Variants in PTPRM observed in about 807,000 individuals in gnomAD.
The protein encoded by PTPRM is protein tyrosine phosphatase receptor type M, also known as receptor-type tyrosine-protein phosphatase mu.
Under a neutral mutation model 186.7 loss-of-function variants are expected in PTPRM, and 47 were observed. That is an observed-to-expected ratio of 0.25 (90% CI 0.20 to 0.32). PTPRM has a LOEUF of 0.32. Ranked by LOEUF, PTPRM falls within the 10% of genes least tolerant of loss-of-function variation. The pLI, the probability that PTPRM is intolerant of heterozygous loss-of-function variation, is 1.00. For synonymous variants in PTPRM, 668 were observed against 674.9 expected, an observed-to-expected ratio of 0.99 and a Z score of 0.16; for missense variants, 1,494 against 1,865.0, an observed-to-expected ratio of 0.80 and a Z score of 3.66.
chr18:7,631,206 C>T (rs2038183070), intron 1 of PTPRM, among the ~76,000 whole-genome samples: 1 of 152,158 alleles, frequency 6.6e-6, no homozygotes, highest in African/African-American at 2.4e-5. Flanking sequence ...CCAAATCACT[C>T]AGTATCTTTA....
intron 7 of PTPRM, among the ~76,000 whole-genome samples, chr18:8,065,674 G>T (rs2089010571): frequency 6.6e-6 from 1 of 152,136 alleles, no homozygotes; most frequent in Admixed American, 6.6e-5. Flanking sequence ...ATTCTCAGTA[G>T]CATCCTCAGG....
chr18:8,398,274 G>A (rs985928695), intron 32 of PTPRM, among the ~76,000 whole-genome samples: 2 of 152,094 alleles, frequency 1.3e-5, no homozygotes, highest in Non-Finnish European at 2.9e-5. Context: ...ATGAGCCACA[G>A]TGCCTGGCCT....
At chr18:8,028,199 G>A (rs1468614195) in intron 7 of PTPRM, among the ~76,000 whole-genome samples, 1 of 152,084 alleles carries the variant, frequency 6.6e-6, no homozygotes, top group African/African-American at 2.4e-5. Context: ...ATGGGGTTTC[G>A]CCATGTTGGC....
At chr18:8,240,473 G>C (rs2094403410) in intron 14 of PTPRM, among the ~76,000 whole-genome samples, 1 of 65,836 alleles carries the variant, frequency 1.5e-5, no homozygotes, top group Non-Finnish European at 3.1e-5. Flanking sequence ...GAGGGAGGGA[G>C]GGAGGGGAGG....
intron 1 of PTPRM, among the ~76,000 whole-genome samples, chr18:7,771,512 A>G (rs1006121184): frequency 2.0e-5 from 3 of 152,244 alleles, no homozygotes; most frequent in Admixed American, 1.3e-4. Context: ...TAAGAGGGCA[A>G]TATAAATGAC....
intron 20 of PTPRM, among the ~76,000 whole-genome samples, chr18:8,301,009 C>A (rs1486752082): frequency 6.6e-6 from 1 of 152,118 alleles, no homozygotes; most frequent in African/African-American, 2.4e-5. Context: ...CCATCCCCTG[C>A]CTAAAAATTA....
chr18:7,897,859 T>G (rs1477724824), intron 3 of PTPRM, among the ~76,000 whole-genome samples: 1 of 152,150 alleles, frequency 6.6e-6, no homozygotes, highest in Non-Finnish European at 1.5e-5. Context: ...ATATCATACT[T>G]TTCTCTAAAG....
chr18:7,945,524 C>T (rs982971054), intron 5 of PTPRM, among the ~76,000 whole-genome samples: 46 of 151,904 alleles, frequency 3.0e-4, no homozygotes, highest in African/African-American at 1.1e-3. Flanking sequence ...CCAGATGAGG[C>T]CATTTGACCT....
chr18:8,157,841 A>G (rs1026611386), intron 14 of PTPRM, among the ~76,000 whole-genome samples: 23 of 152,224 alleles, frequency 1.5e-4, no homozygotes, highest in Non-Finnish European at 2.5e-4. Context: ...TTCCAGACCC[A>G]GACGCAGCAA....
chr18:8,076,124 G>T (rs2089795745), intron 8 of PTPRM, among the ~76,000 whole-genome samples: 2 of 152,194 alleles, frequency 1.3e-5, no homozygotes, highest in South Asian at 4.1e-4. Context: ...GGCTCTACCA[G>T]TTTACACTTC....
rs2095836412 is a variant in PTPRM, at chr18:8,394,555, G to A, written c.4288G>A (p.Val1430Ile). ...EMLRHQRTVD[V>I]FHAVKTLRNN... The stretch of plus-strand genomic sequence containing the variant: ...GCTCCGGCACCAGAGAACCGTGGAT[G>A]TCTTTCACGCTGTGAAGACACTGAG... Residue 1430 changes from valine to isoleucine, a missense_variant, in exon 32 of 33, where the codon GTC (valine) becomes ATC (isoleucine). By Grantham distance (29) the Val-to-Ile change is conservative (BLOSUM62 3). This residue lies in a region of PTPRM where 1,107 missense variants were observed against 1,350.2 expected (regional missense o/e 0.82). Coordinates refer to ENST00000580170, the MANE Select transcript of PTPRM (RefSeq NM_001105244.2). 1.2e-6 allele frequency: 2 copies of A among 1,613,870 alleles called. No homozygotes were observed. Among genetic ancestry groups the A allele is most frequent in the Non-Finnish European group, 1.7e-6 (2 of 1,179,930 alleles).
intron 1 of PTPRM, among the ~76,000 whole-genome samples, chr18:7,570,654 T>C (rs1239248337): frequency 3.3e-5 from 5 of 152,208 alleles, no homozygotes; most frequent in African/African-American, 1.2e-4. Context: ...GCCAATGGAC[T>C]AATCATGAGG....
At chr18:7,607,781 C>T (rs2037570169) in intron 1 of PTPRM, among the ~76,000 whole-genome samples, 1 of 152,244 alleles carries the variant, frequency 6.6e-6, no homozygotes, top group South Asian at 2.1e-4. Context: ...GCCACTCATT[C>T]CTCGCTCTGC....
chr18:8,162,136 G>C (rs1340404081), intron 14 of PTPRM, among the ~76,000 whole-genome samples: 1 of 140,406 alleles, frequency 7.1e-6, no homozygotes, highest in Non-Finnish European at 1.5e-5. Flanking sequence ...TTTCACTCTT[G>C]TTGCCCAAGC....
At chr18:8,012,728 C>T (rs115728213) in intron 7 of PTPRM, among the ~76,000 whole-genome samples, 3,230 of 152,226 alleles carry the variant, frequency 0.021, 45 homozygotes, top group African/African-American at 0.044. Flanking sequence ...GTCATATGTG[C>T]GGTTCATTAT....
chr18:7,714,257 C>G (rs2040275450), intron 1 of PTPRM, among the ~76,000 whole-genome samples: 2 of 152,270 alleles, frequency 1.3e-5, no homozygotes, highest in Admixed American at 1.3e-4. Context: ...CAATCTCCTC[C>G]TGAGTGACTA....
At chr18:8,352,709 T>C (rs1233019320) in intron 23 of PTPRM, among the ~76,000 whole-genome samples, 4 of 151,286 alleles carry the variant, frequency 2.6e-5, no homozygotes, top group South Asian at 2.1e-4. Context: ...TCTCACTCTG[T>C]CACCCAGGCT....
intron 23 of PTPRM, among the ~76,000 whole-genome samples, chr18:8,357,282 A>C (rs184202672): frequency 6.6e-6 from 1 of 152,338 alleles, no homozygotes; most frequent in East Asian, 1.9e-4. Context: ...CTGTATTTTA[A>C]TTTATGCAGA....
chr18:8,245,563 T>C (rs1020197179), intron 15 of PTPRM, among the ~76,000 whole-genome samples: 1 of 152,216 alleles, frequency 6.6e-6, no homozygotes, highest in African/African-American at 2.4e-5. Context: ...TAAAAATATG[T>C]ATGTATAATT....
Sources: gnomAD v4.1 joint callset for allele counts (sites outside exome capture counted in the v4.1 genomes callset) on GRCh38, gnomAD v4.1.1 for gene constraint, gnomAD v4.1.1 regional missense constraint, MANE v1.5 for transcripts, NCBI Gene and HGNC (gene_info 2026-07-23, HGNC 2026-07-21) for gene names.